The following MRPS6 variants were observed in gnomAD, a reference collection of about 807,000 sequenced individuals.
MRPS6 encodes mitochondrial ribosomal protein S6.
MRPS6 carries 6 observed loss-of-function variants against 13.1 expected under a neutral mutation model. The ratio of observed to expected loss-of-function variants is 0.46; its 90% CI spans 0.25 to 0.91. The LOEUF is 0.91. Ranked by LOEUF, MRPS6 falls within the 40% of genes least tolerant of loss-of-function variation. MRPS6 has a pLI of 0.18. For synonymous variants in MRPS6, 61 were observed against 56.5 expected, an observed-to-expected ratio of 1.08 and a Z score of -0.36; for missense variants, 164 against 155.6, an observed-to-expected ratio of 1.05 and a Z score of -0.29.
At chr21:34,081,488 A>T (rs948726906) in intron 1 of MRPS6, among the ~76,000 whole-genome samples, 1 of 152,222 alleles carries the variant, frequency 6.6e-6, no homozygotes, top group African/African-American at 2.4e-5. Flanking sequence ...ATAAATGAGT[A>T]GAAAAACCTT....
Position 34,087,433 on chromosome 21 carries a change from C to T in MRPS6, c.45+13688C>T, listed in dbSNP as rs575899372. Reference sequence around the variant, plus strand: ...CACCTGTAATATGTAAGATGGTGTTCTGGACACTAGGACACATCAGGGAAC... The same window carrying T: ...CACCTGTAATATGTAAGATGGTGTTTTGGACACTAGGACACATCAGGGAAC... On this transcript the variant is annotated intron_variant, in intron 1 of 2. Transcript: ENST00000399312. Among the ~76,000 whole-genome samples the T allele has an allele frequency of 2.9e-4, 44 of 152,264 alleles. 1 individual carries two copies. In the South Asian group the frequency reaches 8.3e-3, roughly 29 times the overall value.
In MRPS6 at chr21:34,140,788, A is replaced by G. The variant is rs530662045; in HGVS notation, c.186-1620A>G. On this transcript the variant is annotated intron_variant, in intron 2 of 2. Coordinates refer to ENST00000399312, the MANE Select transcript of MRPS6 (RefSeq NM_032476.4). Reference sequence around the variant, plus strand: ...GTTACATCTTGGTGGACCCATTATTATGTATTGTCTCTTTTTATTCCTGGT... The same window carrying G: ...GTTACATCTTGGTGGACCCATTATTGTGTATTGTCTCTTTTTATTCCTGGT... Among the ~76,000 whole-genome samples the G allele has an allele frequency of 3.9e-5, 6 of 152,096 alleles. No homozygotes were observed. In the East Asian group the frequency reaches 1.2e-3, roughly 29 times the overall value.
chr21:34,080,459 G>T (rs750702892), intron 1 of MRPS6, among the ~76,000 whole-genome samples: 2 of 152,034 alleles, frequency 1.3e-5, no homozygotes, highest in Non-Finnish European at 2.9e-5. Context: ...CCGGCATCAT[G>T]CTGTTTTTCT....
rs531821933 is a variant in MRPS6, at chr21:34,127,354, C to T, written c.185+1874C>T. Among the ~76,000 whole-genome samples the T allele has an allele frequency of 1.1e-4, 16 of 152,138 alleles. No homozygotes were observed. In the South Asian group the frequency reaches 2.5e-3, roughly 24 times the overall value. On this transcript the variant is annotated intron_variant, in intron 2 of 2. Coordinates refer to ENST00000399312, the MANE Select transcript of MRPS6 (RefSeq NM_032476.4). ...AGTGTGGTCTCTGAAACGCTAATTC[C>T]GTAGAGATGCTCCATCAAAAAAGGA...
At chr21:34,089,230 C>T (rs1361198939) in intron 1 of MRPS6, among the ~76,000 whole-genome samples, 3 of 151,858 alleles carry the variant, frequency 2.0e-5, no homozygotes, top group African/African-American at 7.3e-5. Context: ...TTTGGCCAGG[C>T]AGGTCTCGAA....
At chr21:34,087,418 A>G (rs1006896875) in intron 1 of MRPS6, among the ~76,000 whole-genome samples, 4 of 152,226 alleles carry the variant, frequency 2.6e-5, no homozygotes, top group African/African-American at 9.6e-5. Context: ...CACCTGTAAT[A>G]TGTAAGATGG....
chr21:34,076,296 A>T (rs1179459768), intron 1 of MRPS6, among the ~76,000 whole-genome samples: 2 of 152,046 alleles, frequency 1.3e-5, no homozygotes, highest in Non-Finnish European at 2.9e-5. Flanking sequence ...TTTTGACCCT[A>T]GCTTGACTCC....
chr21:34,075,553 G>C lies in MRPS6; in HGVS notation c.45+1808G>C, dbSNP rs566048530. ...CATGAGGGAAGGGGGGCAAAAAAAA[G>C]AAAAAAAGCCCTAGAAAGTAGATAA... On this transcript the variant is annotated intron_variant, in intron 1 of 2. Transcript: ENST00000399312. 4.6e-5 allele frequency among the ~76,000 whole-genome samples: 7 copies of C among 152,020 alleles called. 1 individual carries two copies. In the South Asian group the frequency reaches 1.5e-3, roughly 32 times the overall value.
intron 1 of MRPS6, among the ~76,000 whole-genome samples, chr21:34,084,350 G>GT (rs1223897666): frequency 1.3e-5 from 2 of 151,964 alleles, no homozygotes; most frequent in East Asian, 1.9e-4. Context: ...TCTAGAAACA[G>GT]TTTTTTTCTA....
intron 2 of MRPS6, among the ~76,000 whole-genome samples, chr21:34,127,138 G>T (rs150242386): frequency 1.5e-3 from 231 of 152,294 alleles, no homozygotes; most frequent in African/African-American, 5.2e-3. Context: ...GACTTTTAAA[G>T]ATTTTATTGC....
At chr21:34,104,095 C>G (rs1979368707) in intron 1 of MRPS6, 1 of 999,488 alleles carries the variant, frequency 1.0e-6, no homozygotes, top group Non-Finnish European at 1.2e-6. Context: ...TTTTTGTGTA[C>G]GTTTGTATGT....
intron 1 of MRPS6, chr21:34,102,241 G>C (rs776545631): frequency 4.9e-5 from 49 of 999,756 alleles, no homozygotes; most frequent in Non-Finnish European, 5.8e-5. Flanking sequence ...TTTGCCAGTG[G>C]TGAGTCCCAC....
intron 1 of MRPS6, among the ~76,000 whole-genome samples, chr21:34,086,115 C>G (rs993333141): frequency 6.6e-6 from 1 of 152,150 alleles, no homozygotes; most frequent in African/African-American, 2.4e-5. Context: ...TTTACCTTTC[C>G]GGATTTGGCT....
At chr21:34,139,163 A>C (rs1980813886) in intron 2 of MRPS6, among the ~76,000 whole-genome samples, 1 of 126,384 alleles carries the variant, frequency 7.9e-6, no homozygotes. Context: ...TGGAAGGGGA[A>C]CATCACACTC....
At chr21:34,074,598 A>T (rs186840684) in intron 1 of MRPS6, among the ~76,000 whole-genome samples, 1 of 152,282 alleles carries the variant, frequency 6.6e-6, no homozygotes, top group African/African-American at 2.4e-5. Context: ...GTCCTGGGTC[A>T]TGTACTCCTC....
At chr21:34,074,709 T>C (rs1989283238) in intron 1 of MRPS6, among the ~76,000 whole-genome samples, 1 of 152,182 alleles carries the variant, frequency 6.6e-6, no homozygotes, top group African/African-American at 2.4e-5. Context: ...AAAACAAAAA[T>C]CATTGTACCA....
rs1989244818 is a variant in MRPS6 at position 34,073,698 on chromosome 21, G to T, written c.-3G>T. The T allele has an allele frequency of 1.3e-6, 2 of 1,521,306 alleles. No individual in the cohort carries two copies. The highest frequency in any genetic ancestry group is 5.4e-5 in the East Asian group (2 of 37,382). 94.2% of individuals were successfully genotyped at this position (1,521,306 alleles called of 1,614,324 possible). A position where few individuals can be genotyped will look rare whatever the true frequency, so the allele number is the denominator to read the frequency against. ...CCGAGCCGCACTCGCCGATCCTCCA[G>T]GCATGCCCCGCTACGAGCTGGCTTT... is the stretch of plus-strand genomic sequence containing the variant. On this transcript the variant is annotated 5_prime_UTR_variant, in exon 1 of 3. It adds an upstream start codon to the 5' untranslated region. Coordinates refer to ENST00000399312, the MANE Select transcript of MRPS6 (RefSeq NM_032476.4).
chr21:34,096,888 C>T lies in MRPS6; in HGVS notation c.45+23143C>T. The stretch of plus-strand genomic sequence containing the variant: ...GGAGAACTGCTCCCCAAAAGAGGAA[C>T]CATACAAAATGCAAGAAAAGAGCAT... On this transcript the variant is annotated intron_variant, in intron 1 of 2. Transcript: ENST00000399312. The surrounding 1 kb of genome is among the most constrained non-coding windows in gnomAD (Gnocchi z 5.9). 1.9e-6 allele frequency: 3 copies of T among 1,614,050 alleles called. No individual in the cohort carries two copies. Among genetic ancestry groups the T allele is most frequent in the Non-Finnish European group, 2.5e-6 (3 of 1,179,974 alleles).
intron 1 of MRPS6, among the ~76,000 whole-genome samples, chr21:34,114,240 G>A (rs969149317): frequency 1.9e-4 from 29 of 152,200 alleles, no homozygotes; most frequent in Non-Finnish European, 3.5e-4. Context: ...AGCTGATGCA[G>A]TAGTATTTAC....
Sources: gnomAD v4.1 joint callset for allele counts (sites outside exome capture counted in the v4.1 genomes callset) on GRCh38, gnomAD v4.1.1 for gene constraint, Gnocchi (gnomAD v3.1) non-coding constraint, MANE v1.5 for transcripts, NCBI Gene and HGNC (gene_info 2026-07-23, HGNC 2026-07-21) for gene names.